Variants in EIF2S3B observed in about 807,000 individuals in gnomAD.
EIF2S3B encodes the protein eukaryotic translation initiation factor 2 subunit 3B.
In EIF2S3B, 16 loss-of-function variants were observed where a neutral mutation model predicts 26.4. The observed-to-expected ratio is 0.61, with a 90% confidence interval of 0.41 to 0.92. The LOEUF (loss-of-function observed/expected upper bound fraction) is 0.92, where lower values mean the gene tolerates loss of function less well. EIF2S3B is among the 40% of genes least tolerant of loss of function. The probability of loss-of-function intolerance (pLI) is 0.00; values close to 1 mark genes in which losing one functional copy is unlikely to be tolerated. For missense variants in EIF2S3B, 510 were observed against 575.5 expected (o/e 0.89, Z 1.16); for synonymous variants, 183 against 204.4 (o/e 0.90, Z 0.89).
At chr12:10,519,099 C>A (rs1156636073) in intron 1 of EIF2S3B, among the ~76,000 whole-genome samples, 4 of 151,712 alleles carry the variant, frequency 2.6e-5, no homozygotes, top group African/African-American at 9.7e-5. Context: ...CGCTACCTGA[C>A]TTCAAACTAT....
exon 2 of EIF2S3B, chr12:10,522,730 A>G (rs1245485462): frequency 1.5e-6 from 1 of 683,120 alleles, no homozygotes; most frequent in African/African-American, 1.8e-5. Context: ...AAAAGACAAA[A>G]GAAAACATGA....
chr12:10,511,008 T>C (rs552140933), downstream of EIF2S3B, among the ~76,000 whole-genome samples: 109 of 152,114 alleles, frequency 7.2e-4, 1 homozygote, highest in African/African-American at 2.6e-3. Flanking sequence ...AAATATAATA[T>C]AGAAAATAGA....
At chr12:10,521,273 C>G (rs901691472) in intron 1 of EIF2S3B, among the ~76,000 whole-genome samples, 12 of 152,004 alleles carry the variant, frequency 7.9e-5, no homozygotes, top group Admixed American at 3.9e-4. Context: ...TCTCATGAAT[C>G]TTAGAGAATG....
downstream of EIF2S3B, among the ~76,000 whole-genome samples, chr12:10,509,227 C>T (rs1864682113): frequency 6.6e-6 from 1 of 151,914 alleles, no homozygotes; most frequent in African/African-American, 2.4e-5. Flanking sequence ...CCTATTCCTC[C>T]ACAGTATTTT....
At chr12:10,522,753 T>C in exon 2 of EIF2S3B, 1 of 648,100 alleles carries the variant, frequency 1.5e-6, no homozygotes, top group Non-Finnish European at 2.8e-6. Flanking sequence ...CCCTTTCTGC[T>C]CTGGAGATTC....
chr12:10,512,781 T>C (rs1864718483), downstream of EIF2S3B, among the ~76,000 whole-genome samples: 1 of 152,134 alleles, frequency 6.6e-6, no homozygotes, highest in Non-Finnish European at 1.5e-5. Context: ...ACATTTTCCC[T>C]CCAATGTTTC....
chr12:10,520,190 AAG>A (rs1864815180), intron 1 of EIF2S3B, among the ~76,000 whole-genome samples: 1 of 151,808 alleles, frequency 6.6e-6, no homozygotes, highest in Non-Finnish European at 1.5e-5. Context: ...ATAAAAAATG[AAG>A]AGTTCATGTC....
intron 1 of EIF2S3B, among the ~76,000 whole-genome samples, chr12:10,516,485 T>C (rs2137952266): frequency 6.6e-6 from 1 of 152,132 alleles, no homozygotes; most frequent in Non-Finnish European, 1.5e-5. Flanking sequence ...AAAATCACTA[T>C]GCTGATCACA....
In EIF2S3B at chr12:10,508,044, T is replaced by TA. The variant is rs1416703137; in HGVS notation, c.*726dup. 2.0e-5 allele frequency among the ~76,000 whole-genome samples: 3 copies of TA among 152,224 alleles called. No individual in the cohort carries two copies. Among genetic ancestry groups the TA allele is most frequent in the Non-Finnish European group, 2.9e-5 (2 of 68,028 alleles). ...AAGGACTGTTGTACCAGTAAAAACTTAAAGGCACAAATTATCCTTGAAGAC... is the reference window on the plus strand; with the variant it reads ...AAGGACTGTTGTACCAGTAAAAACTTAAAAGGCACAAATTATCCTTGAAGAC... On this transcript the variant is annotated 3_prime_UTR_variant, in exon 1 of 1. Transcript: ENST00000538173.
intron 1 of EIF2S3B, among the ~76,000 whole-genome samples, chr12:10,515,571 T>C (rs1864746745): frequency 6.6e-6 from 1 of 152,086 alleles, no homozygotes; most frequent in South Asian, 2.1e-4. Context: ...GCAATTATAA[T>C]ACCCAAATCT....
rs1483559580 is a variant in EIF2S3B at position 10,520,808 on chromosome 12, T to A, written c.1309-1795T>A. Reference sequence around the variant, plus strand: ...TCTTCAGTTGAAATGGGAACATTCATCATGAAGGAATGGAGAGACCTCAAT... The same window carrying A: ...TCTTCAGTTGAAATGGGAACATTCAACATGAAGGAATGGAGAGACCTCAAT... On this transcript the variant is annotated intron_variant, in intron 1 of 1. Coordinates refer to the EIF2S3B transcript ENST00000322446. Among the ~76,000 whole-genome samples the A allele has an allele frequency of 2.6e-5, 4 of 152,134 alleles. No homozygotes were observed. The East Asian group carries it at 7.7e-4, about 29-fold the overall frequency.
intron 1 of EIF2S3B, among the ~76,000 whole-genome samples, chr12:10,519,584 G>C (rs1295227167): frequency 2.6e-5 from 4 of 152,068 alleles, no homozygotes; most frequent in Non-Finnish European, 5.9e-5. Flanking sequence ...CCTACAAAAT[G>C]GGAGAAAATT....
In EIF2S3B at chr12:10,506,589, A is replaced by C. The variant is rs902615019; in HGVS notation, c.687A>C (p.Lys229Asn). The C allele has an allele frequency of 2.5e-6, 4 of 1,604,366 alleles. No individual in the cohort carries two copies. Among genetic ancestry groups the C allele is most frequent in the Middle Eastern group, 1.6e-4 (1 of 6,068 alleles). The change falls in exon 1 of 1, where the codon AAA (lysine) becomes AAC (asparagine). Residue 229 changes from lysine to asparagine, a missense_variant. By Grantham distance (94) the Lys-to-Asn change is moderately conservative. Transcript: ENST00000538173. ...APIIPISAQLKYNIEVVCEYI... is the reference protein window; with the variant it reads ...APIIPISAQLNYNIEVVCEYI... ...TTATTCCAATTTCGGCTCAGCTGAA[A>C]TACAATATTGAAGTTGTTTGTGAGT...
intron 1 of EIF2S3B, among the ~76,000 whole-genome samples, chr12:10,518,716 C>A (rs1864794313): frequency 6.6e-6 from 1 of 151,846 alleles, no homozygotes; most frequent in Non-Finnish European, 1.5e-5. Context: ...ACACCAACAA[C>A]AGACAAACAG....
At chr12:10,513,368 C>T (rs1259412344), downstream of EIF2S3B, among the ~76,000 whole-genome samples, 1 of 152,140 alleles carries the variant, frequency 6.6e-6, no homozygotes, top group African/African-American at 2.4e-5. Flanking sequence ...CATAAATCCC[C>T]TCACCTTCTT....
At chr12:10,519,079 G>A (rs948512002) in intron 1 of EIF2S3B, among the ~76,000 whole-genome samples, 1 of 150,522 alleles carries the variant, frequency 6.6e-6, no homozygotes, top group African/African-American at 2.4e-5. Flanking sequence ...GAACAAAGCT[G>A]GAGGCATCAC....
downstream of EIF2S3B, among the ~76,000 whole-genome samples, chr12:10,509,740 A>G (rs989336068): frequency 6.6e-5 from 10 of 152,004 alleles, no homozygotes; most frequent in African/African-American, 2.4e-4. Context: ...TCTTAATCAG[A>G]TAAATATCAC....
At chr12:10,509,559 G>T (rs1185195533), downstream of EIF2S3B, among the ~76,000 whole-genome samples, 1 of 151,342 alleles carries the variant, frequency 6.6e-6, no homozygotes, top group African/African-American at 2.4e-5. Flanking sequence ...AGTATATTTG[G>T]TATATAGTAT....
At position 10,507,047 on chromosome 12, in the gene EIF2S3B, T is replaced by C. The variant is rs1864642641; in HGVS notation, c.1145T>C (p.Leu382Pro). Residue 382 changes from leucine (L) to proline (P), a missense_variant, in exon 1 of 1, where the codon CTA (leucine) becomes CCA (proline). Leu to Pro is a moderately conservative substitution (Grantham distance 98). Coordinates refer to ENST00000538173, the MANE Select transcript of EIF2S3B (RefSeq NM_001357734.3). ...EISYFLLRRL[L>P]GVRTEGDKKA... The stretch of plus-strand genomic sequence containing the variant: ...TCCTATTTCCTGCTTAGACGGCTTC[T>C]AGGTGTACGCACTGAAGGAGACAAG... The C allele has an allele frequency of 6.2e-7, 1 of 1,613,762 alleles. No homozygotes were observed. The highest frequency in any genetic ancestry group is 8.5e-7 in the Non-Finnish European group (1 of 1,179,688).
Sources: gnomAD v4.1 joint callset for allele counts (sites outside exome capture counted in the v4.1 genomes callset) on GRCh38, gnomAD v4.1.1 for gene constraint, MANE v1.5 for transcripts, NCBI Gene and HGNC (gene_info 2026-07-23, HGNC 2026-07-21) for gene names.